The following SMYD3 variants were observed in gnomAD, a reference collection of about 807,000 sequenced individuals.
SMYD3 encodes the protein SET and MYND domain containing 3.
SMYD3 carries 36 observed loss-of-function variants against 57.7 expected under a neutral mutation model. The observed-to-expected ratio is 0.62, with a 90% CI of 0.48 to 0.82. The LOEUF is 0.82. SMYD3 is among the 40% of genes least tolerant of loss of function. The pLI is 0.00. For synonymous variants in SMYD3, 211 were observed against 195.0 expected, an observed-to-expected ratio of 1.08 and a Z score of -0.68; for missense variants, 515 against 538.8, an observed-to-expected ratio of 0.96 and a Z score of 0.44.
intron 8 of SMYD3, among the ~76,000 whole-genome samples, chr1:245,891,178 T>C (rs1376887201): frequency 6.6e-6 from 1 of 152,168 alleles, no homozygotes; most frequent in Non-Finnish European, 1.5e-5. Flanking sequence ...GACCAGAGTC[T>C]ACAATAATTT....
In SMYD3 at chr1:246,126,970, A is replaced by AACACATT. The variant is rs1177103191; in HGVS notation, c.532-197040_532-197034dup. On this transcript the variant is annotated intron_variant, in intron 5 of 11. Transcript: ENST00000490107. ...TTCAGAAATGAAGGGGATATTCCAA[A>AACACATT]ACACATTACAAAGATGCAGCACTGA... 8.5e-5 allele frequency among the ~76,000 whole-genome samples: 13 copies of AACACATT among 152,296 alleles called. No homozygotes were observed. In the East Asian group the frequency reaches 2.3e-3, roughly 27 times the overall value.
Position 246,355,078 on chromosome 1 carries a change from G to C in SMYD3, c.181C>G (p.Arg61Gly). ...TTGGCGACGCGGCACTGAGAGCATC[G>C]CATCAGCTTTTCCTTCCTGTGGGGA... ...RCLLGKEKLM[R>G]CSQCRVAKYC... Residue 61 changes from arginine (R) to glycine (G), a missense_variant, in exon 2 of 12, where the codon CGA becomes GGA. Arg to Gly is a moderately radical substitution (Grantham distance 125). Transcript: ENST00000490107. This position sits in a 1 kb window ranked among gnomAD's most constrained non-coding sequence, Gnocchi z 5.0. 1 of 1,614,070 alleles carries C rather than the reference G, an allele frequency of 6.2e-7. No individual in the cohort carries two copies. Among genetic ancestry groups the C allele is most frequent in the Non-Finnish European group, 8.5e-7 (1 of 1,179,990 alleles).
chr1:246,216,871 G>A (rs2063172816), intron 5 of SMYD3, among the ~76,000 whole-genome samples: 1 of 152,084 alleles, frequency 6.6e-6, no homozygotes, highest in Non-Finnish European at 1.5e-5. Context: ...CCCCTTGACG[G>A]AGACGTGGGC....
At chr1:246,506,326 G>A (rs1370939246) in intron 1 of SMYD3, among the ~76,000 whole-genome samples, 1 of 152,068 alleles carries the variant, frequency 6.6e-6, no homozygotes, top group African/African-American at 2.4e-5. Context: ...ACACCTTCAC[G>A]TGAATCCCTG....
At chr1:246,277,888 G>C (rs1378601813) in intron 5 of SMYD3, among the ~76,000 whole-genome samples, 1 of 152,122 alleles carries the variant, frequency 6.6e-6, no homozygotes, top group Non-Finnish European at 1.5e-5. Context: ...TGATACCAAA[G>C]GGACATATGG....
chr1:246,394,997 C>T (rs1350627727), intron 1 of SMYD3, among the ~76,000 whole-genome samples: 2 of 152,112 alleles, frequency 1.3e-5, no homozygotes, highest in Non-Finnish European at 2.9e-5. Flanking sequence ...ATGAGGCTCC[C>T]AAACTTAGCT....
At chr1:245,946,187 T>C (rs770843852) in intron 5 of SMYD3, among the ~76,000 whole-genome samples, 2 of 152,164 alleles carry the variant, frequency 1.3e-5, no homozygotes, top group Non-Finnish European at 2.9e-5. Context: ...ATTTAGGTTT[T>C]TTCTCTGAAG....
rs535262229 is a variant in SMYD3 at position 245,880,230 on chromosome 1, G to A, written c.814-16344C>T. Reference sequence around the variant, plus strand: ...CAATCTGAACTCATTTAATTCCATGGAGATTATACAAGTATATGGGGCAAA... The same window carrying A: ...CAATCTGAACTCATTTAATTCCATGAAGATTATACAAGTATATGGGGCAAA... On this transcript the variant is annotated intron_variant, in intron 8 of 11. Coordinates refer to ENST00000490107, the MANE Select transcript of SMYD3 (RefSeq NM_001167740.2). 5.5e-4 allele frequency among the ~76,000 whole-genome samples: 84 copies of A among 152,344 alleles called. 2 individuals are homozygous for A. The South Asian group carries it at 0.015, about 27-fold the overall frequency.
intron 5 of SMYD3, among the ~76,000 whole-genome samples, chr1:246,088,645 T>G (rs917954829): frequency 6.6e-6 from 1 of 152,078 alleles, no homozygotes; most frequent in East Asian, 1.9e-4. Flanking sequence ...TGAGGGAAAT[T>G]CCATGAAGTA....
intron 5 of SMYD3, among the ~76,000 whole-genome samples, chr1:246,064,442 A>T (rs1176266639): frequency 1.2e-4 from 18 of 152,124 alleles, no homozygotes; most frequent in Admixed American, 5.9e-4. Context: ...CTCTACCTAG[A>T]ATGCATTTCC....
chr1:246,167,991 T>C (rs1246672932), intron 5 of SMYD3, among the ~76,000 whole-genome samples: 1 of 152,216 alleles, frequency 6.6e-6, no homozygotes, highest in Non-Finnish European at 1.5e-5. Flanking sequence ...TATTCTTCTC[T>C]ATGCATACTC....
At chr1:246,457,532 C>CAAAAAAAAAAAAAAAAA (rs59617511) in intron 1 of SMYD3, among the ~76,000 whole-genome samples, 1 of 82,454 alleles carries the variant, frequency 1.2e-5, no homozygotes, top group Non-Finnish European at 2.3e-5. Context: ...GACTCTGCCT[C>CAAAAAAAAAAAAAAAAA]AAAAAAAAAA....
intron 1 of SMYD3, chr1:246,417,421 C>T (rs2102993267): frequency 6.6e-6 from 1 of 152,276 alleles, no homozygotes; most frequent in East Asian, 1.9e-4. Flanking sequence ...TCCTCGAAAG[C>T]TTGGAGCCCA....
intron 5 of SMYD3, among the ~76,000 whole-genome samples, chr1:246,019,737 C>G (rs1454977029): frequency 1.3e-5 from 2 of 151,862 alleles, no homozygotes; most frequent in Admixed American, 1.3e-4. Context: ...TTTTCAAATC[C>G]TATAAGGCCA....
chr1:246,477,601 A>G (rs1162134878), intron 1 of SMYD3, among the ~76,000 whole-genome samples: 1 of 152,276 alleles, frequency 6.6e-6, no homozygotes, highest in East Asian at 1.9e-4. Flanking sequence ...TTTGTTTTAC[A>G]TGTAGTAAAT....
intron 5 of SMYD3, among the ~76,000 whole-genome samples, chr1:246,097,173 C>G (rs145272898): frequency 7.2e-4 from 109 of 152,290 alleles, no homozygotes; most frequent in African/African-American, 2.3e-3. Flanking sequence ...TCCCCAGGAA[C>G]AGACTTCACA....
chr1:246,055,259 C>T (rs61646024), intron 5 of SMYD3, among the ~76,000 whole-genome samples: 102 of 151,910 alleles, frequency 6.7e-4, no homozygotes, highest in African/African-American at 2.3e-3. Context: ...GAATGCAAAA[C>T]GGTGCAGCTA....
At chr1:246,134,799 C>A (rs1010724131) in intron 5 of SMYD3, among the ~76,000 whole-genome samples, 2 of 106,462 alleles carry the variant, frequency 1.9e-5, no homozygotes, top group Non-Finnish European at 5.3e-5. Flanking sequence ...ACATTTTCTT[C>A]CCCCCCCTGC....
At chr1:245,878,038 TGG>T (rs200668216) in intron 8 of SMYD3, among the ~76,000 whole-genome samples, 2,021 of 151,786 alleles carry the variant, frequency 0.013, 29 homozygotes, top group Non-Finnish European at 0.015. Context: ...AAGGGACAGG[TGG>T]TGTGGAACTC....
Sources: gnomAD v4.1 joint callset for allele counts (sites outside exome capture counted in the v4.1 genomes callset) on GRCh38, gnomAD v4.1.1 for gene constraint, Gnocchi (gnomAD v3.1) non-coding constraint, MANE v1.5 for transcripts, NCBI Gene and HGNC (gene_info 2026-07-23, HGNC 2026-07-21) for gene names.